Variants in SPEN observed in about 807,000 individuals in gnomAD.
SPEN encodes msx2-interacting protein.
A neutral mutation model predicts 269.9 loss-of-function variants in SPEN; 18 were observed. The ratio of observed to expected loss-of-function variants is 0.07; its 90% CI spans 0.05 to 0.10. The LOEUF (loss-of-function observed/expected upper bound fraction) is 0.10. SPEN is among the 10% of genes least tolerant of loss of function. SPEN has a pLI of 1.00. For synonymous variants in SPEN, 1,726 were observed against 1,765.7 expected, an observed-to-expected ratio of 0.98 and a Z score of 0.56; for missense variants, 3,822 against 4,631.2, an observed-to-expected ratio of 0.83 and a Z score of 5.07.
intron 5 of SPEN, 30 bp from the exon 6 acceptor site, chr1:15,916,098 C>T (rs2071064826): frequency 1.9e-6 from 3 of 1,587,614 alleles, no homozygotes; most frequent in Non-Finnish European, 2.6e-6. Flanking sequence ...ACTGTCTTCT[C>T]TTTTTACTCG....
chr1:15,889,419 A>G (rs942037098), intron 3 of SPEN, among the ~76,000 whole-genome samples: 9 of 150,714 alleles, frequency 6.0e-5, no homozygotes, highest in African/African-American at 1.7e-4. Context: ...GCCCACCTCA[A>G]CCTCCCAAAG....
At chr1:15,874,018 A>G (rs2070607564) in intron 2 of SPEN, 1 of 1,219,666 alleles carries the variant, frequency 8.2e-7, no homozygotes, top group South Asian at 1.5e-5. Context: ...AAAGTGAACT[A>G]TTGGCGAGCA....
chr1:15,879,770 A>G (rs529150897), intron 3 of SPEN, among the ~76,000 whole-genome samples: 5 of 151,784 alleles, frequency 3.3e-5, no homozygotes, highest in Admixed American at 3.3e-4. Flanking sequence ...TCCCGGGTTC[A>G]CGCCATTCTT....
At position 15,931,855 on chromosome 1, in the gene SPEN, C is replaced by T. The variant is rs756861745; in HGVS notation, c.5615C>T (p.Ala1872Val). 6.2e-7 allele frequency: 1 copy of T among 1,614,090 alleles called. No homozygotes were observed. Among genetic ancestry groups the T allele is most frequent in the African/African-American group, 1.3e-5 (1 of 74,924 alleles). The change falls in exon 11 of 15, where the codon GCA becomes GTA. Residue 1872 changes from alanine to valine, a missense_variant. This residue lies in a region of SPEN where 533 missense variants were observed against 618.8 expected (regional missense o/e 0.86). Coordinates refer to ENST00000375759, the MANE Select transcript of SPEN (RefSeq NM_015001.3). The surrounding 1 kb of genome is among the most constrained non-coding windows in gnomAD (Gnocchi z 4.8). ...AQKLLELKME[A>V]EKITRTASKN... ...AAGCTTTTGGAATTGAAGATGGAGG[C>T]AGAGAAGATTACAAGGACTGCTTCT... is the stretch of plus-strand genomic sequence containing the variant.
At position 15,938,896 on chromosome 1, in the gene SPEN, T is replaced by A; in HGVS notation, c.10863+20T>A. On this transcript the variant is annotated intron_variant, in intron 14 of 14. Coordinates refer to ENST00000375759, the MANE Select transcript of SPEN (RefSeq NM_015001.3). ...AATCAGGTCGGTTGTCCTGTGTCCTTCCTTCACATGTACACCCACAGGTGG... is the reference window on the plus strand; with the variant it reads ...AATCAGGTCGGTTGTCCTGTGTCCTACCTTCACATGTACACCCACAGGTGG... 6.2e-7 allele frequency: 1 copy of A among 1,609,972 alleles called. No individual in the cohort carries two copies.
rs2071290895 is a variant in SPEN, at chr1:15,937,741, C to T, written c.10510-71C>T. On this transcript the variant is annotated intron_variant, in intron 12 of 14. Transcript: ENST00000375759. The surrounding 1 kb of genome is among the most constrained non-coding windows in gnomAD (Gnocchi z 5.7). ...TAGTTAACAGACCCACAAGCTACAG[C>T]CTCTGGCTGTGTCCAGCATGGCTCA... 1 of 1,608,658 alleles carries T rather than the reference C, an allele frequency of 6.2e-7. No homozygotes were observed. Among genetic ancestry groups the T allele is most frequent in the Non-Finnish European group, 8.5e-7 (1 of 1,177,436 alleles).
In SPEN at chr1:15,940,167, TAATCTGTGCCA is replaced by T. The variant is rs1329961163; in HGVS notation, c.*743_*753del. Reference sequence around the variant, plus strand: ...CAAATCCCCCGACATACGTTTTTTTTAATCTGTGCCAAAAATGTGTTTTCAGAGGAAATCTT... The same window carrying T: ...CAAATCCCCCGACATACGTTTTTTTTAAAATGTGTTTTCAGAGGAAATCTT... On this transcript the variant is annotated 3_prime_UTR_variant, in exon 15 of 15. Coordinates refer to ENST00000375759, the MANE Select transcript of SPEN (RefSeq NM_015001.3). The T allele has an allele frequency of 4.4e-6, 1 of 228,440 alleles. No homozygotes were observed. Among genetic ancestry groups the T allele is most frequent in the Non-Finnish European group, 8.7e-6 (1 of 115,098 alleles). The allele number at this position is 228,440 out of a possible 1,614,324, so 14.2% of individuals were successfully genotyped here.
At chr1:15,879,004 CAAAAAAA>C (rs3048559) in intron 3 of SPEN, among the ~76,000 whole-genome samples, 1 of 76,562 alleles carries the variant, frequency 1.3e-5, no homozygotes. Flanking sequence ...GACTCTGTCT[CAAAAAAA>C]AAAAAAAAAA....
Position 15,928,547 on chromosome 1 carries a change from C to T in SPEN, c.2307C>T (p.Leu769=). 1 of 1,614,140 alleles carries T rather than the reference C, an allele frequency of 6.2e-7. No individual in the cohort carries two copies. Among genetic ancestry groups the T allele is most frequent in the Non-Finnish European group, 8.5e-7 (1 of 1,180,026 alleles). The part of the protein sequence containing the change: ...SSDRSGSCSS[L]SPPRYEKLDK... ...ACCGGAGTGGAAGCTGTAGCTCACT[C>T]TCCCCTCCAAGATATGAGAAACTGG... The change falls in exon 11 of 15, where the codon CTC becomes CTT. Residue 769 remains leucine (L), a synonymous_variant. Transcript: ENST00000375759. The surrounding 1 kb of genome is among the most constrained non-coding windows in gnomAD (Gnocchi z 5.7).
intron 1 of SPEN, among the ~76,000 whole-genome samples, chr1:15,861,496 A>G (rs543819507): frequency 3.7e-4 from 56 of 152,282 alleles, no homozygotes; most frequent in African/African-American, 1.3e-3. Context: ...ATATTTGTAT[A>G]TTTCCCATAG....
chr1:15,934,843 C>A lies in SPEN; in HGVS notation c.8603C>A (p.Ser2868Tyr). 1 of 1,614,168 alleles carries A rather than the reference C, an allele frequency of 6.2e-7. No homozygotes were observed. Among genetic ancestry groups the A allele is most frequent in the Non-Finnish European group, 8.5e-7 (1 of 1,180,026 alleles). The change falls in exon 11 of 15, where the codon TCC (serine) becomes TAC (tyrosine). Residue 2868 changes from serine to tyrosine, a missense_variant. Ser to Tyr is a moderately radical substitution (Grantham distance 144). Transcript: ENST00000375759. This position sits in a 1 kb window ranked among gnomAD's most constrained non-coding sequence, Gnocchi z 9.2. ...TCTGTCACAGCATCGCAGCCTCCAT[C>A]CAAAGGCCCTCAAGCTCCTGCAGGC... is the stretch of plus-strand genomic sequence containing the variant. The part of the protein sequence containing the change: ...PDSVTASQPP[S>Y]KGPQAPAGYA...
chr1:15,935,725 A>C lies in SPEN; in HGVS notation c.9485A>C (p.Tyr3162Ser). ...SQHPPEEEVHYHLPVARATAP... is the reference protein window; with the variant it reads ...SQHPPEEEVHSHLPVARATAP... The stretch of plus-strand genomic sequence containing the variant: ...CACCCTCCCGAGGAGGAAGTGCATT[A>C]TCACCTTCCTGTCGCTCGAGCCACA... The change falls in exon 11 of 15, where the codon TAT (tyrosine) becomes TCT (serine). Residue 3162 changes from tyrosine (Y) to serine (S), a missense_variant. Coordinates refer to ENST00000375759, the MANE Select transcript of SPEN (RefSeq NM_015001.3). This position sits in a 1 kb window ranked among gnomAD's most constrained non-coding sequence, Gnocchi z 7.7. 2 of 1,613,330 alleles carry C rather than the reference A, an allele frequency of 1.2e-6. No individual in the cohort carries two copies. Among genetic ancestry groups the C allele is most frequent in the Non-Finnish European group, 1.7e-6 (2 of 1,179,678 alleles).
At chr1:15,866,918 A>G (rs1165337553) in intron 1 of SPEN, among the ~76,000 whole-genome samples, 3 of 152,228 alleles carry the variant, frequency 2.0e-5, no homozygotes, top group South Asian at 2.1e-4. Flanking sequence ...TAAAGGAGAT[A>G]TAAAATCTTT....
intron 3 of SPEN, among the ~76,000 whole-genome samples, chr1:15,879,228 C>T (rs1027456528): frequency 1.3e-5 from 2 of 151,164 alleles, no homozygotes; most frequent in Non-Finnish European, 3.0e-5. Flanking sequence ...GTAATTCCAG[C>T]TACTCAGGAG....
chr1:15,909,543 G>T, intron 4 of SPEN, 62 bp downstream of exon 4: 1 of 1,427,876 alleles, frequency 7.0e-7, no homozygotes. Flanking sequence ...GTATGATACT[G>T]CATTACATTG....
chr1:15,917,732 T>C (rs2071079097), intron 6 of SPEN: 1 of 153,510 alleles, frequency 6.5e-6, no homozygotes, highest in South Asian at 2.1e-4. Context: ...TCTCATCTCC[T>C]CAAAATCTTT....
At chr1:15,903,765 G>A (rs2070925631) in intron 3 of SPEN, among the ~76,000 whole-genome samples, 1 of 152,176 alleles carries the variant, frequency 6.6e-6, no homozygotes, top group Non-Finnish European at 1.5e-5. Context: ...GAGTAGCTGG[G>A]ACTATGCACT....
chr1:15,908,523 C>T (rs142680253), intron 3 of SPEN, among the ~76,000 whole-genome samples: 174 of 152,098 alleles, frequency 1.1e-3, no homozygotes, highest in Admixed American at 3.5e-3. Flanking sequence ...CCCAGGTTCA[C>T]GCCATTCTCC....
chr1:15,927,771 AT>A (rs1322185417), intron 10 of SPEN, among the ~76,000 whole-genome samples: 1 of 152,368 alleles, frequency 6.6e-6, no homozygotes, highest in East Asian at 1.9e-4. Flanking sequence ...TAGTAGCCAC[AT>A]TAAAAAGACA....
Sources: allele counts gnomAD v4.1 joint callset (sites outside exome capture counted in the v4.1 genomes callset), GRCh38; gene constraint gnomAD v4.1.1; regional missense constraint gnomAD v4.1.1; non-coding constraint Gnocchi (gnomAD v3.1); transcripts MANE v1.5; gene names NCBI Gene and HGNC (gene_info 2026-07-23, HGNC 2026-07-21).